Variants in ZNF81 observed in about 807,000 individuals in gnomAD.
ZNF81 encodes the protein zinc finger protein 81 (HFZ20).
Under a neutral mutation model 32.3 loss-of-function variants are expected in ZNF81, and 5 were observed. The observed-to-expected ratio is 0.15, with a 90% confidence interval of 0.08 to 0.33. The LOEUF (loss-of-function observed/expected upper bound fraction) is 0.33, where lower values mean the gene tolerates loss of function less well. ZNF81 is among the 10% of genes least tolerant of loss of function. The probability of loss-of-function intolerance (pLI) is 1.00; values close to 1 mark genes in which losing one functional copy is unlikely to be tolerated. For synonymous variants in ZNF81, 163 were observed against 166.8 expected (o/e 0.98, Z 0.17); for missense variants, 379 against 479.8 (o/e 0.79, Z 1.96).
Position 47,919,366 on chromosome X carries a change from G to T in ZNF81, c.*2734G>T. On this transcript the variant is annotated 3_prime_UTR_variant, in exon 5 of 5. Coordinates refer to ENST00000338637, the MANE Select transcript of ZNF81 (RefSeq NM_007137.5). Reference sequence around the variant, plus strand: ...AAGTCTACTGCTGAACCCATTGAAGGCATTCTTCAACTCAGTTATGTTTTA... The same window carrying T: ...AAGTCTACTGCTGAACCCATTGAAGTCATTCTTCAACTCAGTTATGTTTTA... 4 of 187,651 alleles carry T rather than the reference G, an allele frequency of 2.1e-5. No individual in the cohort carries two copies. Among genetic ancestry groups the T allele is most frequent in the African/African-American group, 3.0e-5 (1 of 33,225 alleles). 15.5% of individuals were successfully genotyped at this position (187,651 alleles called of 1,213,427 possible).
In ZNF81 at chrX:47,863,805, A is replaced by G. The variant is rs1357266803; in HGVS notation, c.54+17484A>G. 2.7e-5 allele frequency among the ~76,000 whole-genome samples: 3 copies of G among 112,111 alleles called. No homozygotes were observed. In the Admixed American group the frequency reaches 2.8e-4, roughly 11 times the overall value. ...TGCTATGTTGTAGGGCAGAGGTAGT[A>G]TCATATCATTTATTACTTCTGCAAG... On this transcript the variant is annotated intron_variant, in intron 2 of 4. Transcript: ENST00000338637.
chrX:47,854,806 T>A (rs1435764330), intron 2 of ZNF81, among the ~76,000 whole-genome samples: 6 of 111,628 alleles, frequency 5.4e-5, no homozygotes, highest in African/African-American at 2.0e-4. Context: ...ATAACAGATA[T>A]AATAATAGGC....
intron 1 of ZNF81, among the ~76,000 whole-genome samples, chrX:47,845,637 G>A (rs1260006018): frequency 9.0e-6 from 1 of 111,674 alleles, no homozygotes; most frequent in African/African-American, 3.3e-5. Context: ...CTCTAATTCT[G>A]TGTGCATAAA....
At chrX:47,884,135 G>A (rs1232366623) in intron 2 of ZNF81, among the ~76,000 whole-genome samples, 2 of 106,862 alleles carry the variant, frequency 1.9e-5, no homozygotes, top group African/African-American at 3.4e-5. Flanking sequence ...AATCCCAGCT[G>A]CTCGGGAGGC....
In ZNF81 at chrX:47,867,927, C is replaced by T. The variant is rs1158195967; in HGVS notation, c.55-20072C>T. ...GTTCCTGTCAATCAATAAGTAACACCACATTTATAAAACGTAGCCCTGTAG... is the reference window on the plus strand; with the variant it reads ...GTTCCTGTCAATCAATAAGTAACACTACATTTATAAAACGTAGCCCTGTAG... On this transcript the variant is annotated intron_variant, in intron 2 of 4. Transcript: ENST00000338637. 4.5e-5 allele frequency among the ~76,000 whole-genome samples: 5 copies of T among 111,448 alleles called. No homozygotes were observed. The Admixed American group carries it at 4.8e-4, about 11-fold the overall frequency.
Position 47,916,424 on chromosome X carries a change from A to G in ZNF81, c.1778A>G (p.Lys593Arg). The G allele has an allele frequency of 8.3e-7, 1 of 1,211,906 alleles. No homozygotes were observed. Among genetic ancestry groups the G allele is most frequent in the Non-Finnish European group, 1.1e-6 (1 of 895,531 alleles). Residue 593 changes from lysine (K) to arginine (R), a missense_variant, in exon 5 of 5, where the codon AAG (lysine) becomes AGG (arginine). By Grantham distance (26) the Lys-to-Arg change is conservative. Coordinates refer to ENST00000338637, the MANE Select transcript of ZNF81 (RefSeq NM_007137.5). ...KCPDCEKSFS[K>R]KPHLKVHQRI... ...CCTGACTGTGAGAAATCCTTCTCCA[A>G]GAAACCACATCTCAAAGTACATCAA...
chrX:47,871,586 T>A (rs781978862), intron 2 of ZNF81, among the ~76,000 whole-genome samples: 13 of 111,942 alleles, frequency 1.2e-4, no homozygotes, highest in Non-Finnish European at 2.1e-4. Context: ...CTCATGATCA[T>A]CTATTTGACC....
chrX:47,911,582 G>A (rs2058739461), intron 4 of ZNF81, among the ~76,000 whole-genome samples: 1 of 111,643 alleles, frequency 9.0e-6, no homozygotes, highest in Admixed American at 9.5e-5. Flanking sequence ...GATAAGAATA[G>A]AATTTTGCTG....
chrX:47,872,780 G>T (rs1462359612), intron 2 of ZNF81, among the ~76,000 whole-genome samples: 1 of 111,448 alleles, frequency 9.0e-6, no homozygotes, highest in Non-Finnish European at 1.9e-5. Context: ...ATTATTCCTG[G>T]TTTTTCTAAT....
At chrX:47,873,313 T>C (rs1603187919) in intron 2 of ZNF81, among the ~76,000 whole-genome samples, 1 of 112,077 alleles carries the variant, frequency 8.9e-6, no homozygotes, top group Non-Finnish European at 1.9e-5. Context: ...GTAGAATAAG[T>C]AGCACCAGTA....
At position 47,915,760 on chromosome X, in the gene ZNF81, T is replaced by A; in HGVS notation, c.1114T>A (p.Ser372Thr). The change falls in exon 5 of 5, where the codon TCT becomes ACT. Residue 372 changes from serine to threonine, a missense_variant. Ser to Thr is a moderately conservative substitution (Grantham distance 58). Coordinates refer to ENST00000338637, the MANE Select transcript of ZNF81 (RefSeq NM_007137.5). The stretch of plus-strand genomic sequence containing the variant: ...TGGGAAATCATTTTTCCAGGTGTCA[T>A]CTCTACTCAGGCATCAGACAACTCA... ...ECGKSFFQVS[S>T]LLRHQTTHTG... 1 of 1,211,040 alleles carries A rather than the reference T, an allele frequency of 8.3e-7. No individual in the cohort carries two copies. Among genetic ancestry groups the A allele is most frequent in the Non-Finnish European group, 1.1e-6 (1 of 895,270 alleles).
chrX:47,879,756 A>T (rs1430695008), intron 2 of ZNF81, among the ~76,000 whole-genome samples: 3 of 111,969 alleles, frequency 2.7e-5, no homozygotes, highest in Non-Finnish European at 5.6e-5. Flanking sequence ...GATAAGTTGG[A>T]AAAAAGGCAG....
chrX:47,872,535 A>G (rs2058584347), intron 2 of ZNF81, among the ~76,000 whole-genome samples: 1 of 111,813 alleles, frequency 8.9e-6, no homozygotes, highest in Admixed American at 9.5e-5. Flanking sequence ...CTCATTAGCT[A>G]GAGGAACAGA....
chrX:47,888,221 C>A, intron 3 of ZNF81, 96 bp downstream of exon 3: 2 of 1,081,237 alleles, frequency 1.8e-6, no homozygotes, highest in Middle Eastern at 3.3e-4. Flanking sequence ...CCCCAGCCCC[C>A]CAGAATGTGA....
chrX:47,909,013 G>T (rs2058729973), intron 4 of ZNF81, among the ~76,000 whole-genome samples: 1 of 111,674 alleles, frequency 9.0e-6, no homozygotes, highest in Non-Finnish European at 1.9e-5. Flanking sequence ...ATGAGTATTG[G>T]AGTTCAGCTT....
At chrX:47,892,170 A>G (rs904291634) in intron 3 of ZNF81, among the ~76,000 whole-genome samples, 1 of 111,928 alleles carries the variant, frequency 8.9e-6, no homozygotes, top group Non-Finnish European at 1.9e-5. Flanking sequence ...TCTGTGAATC[A>G]GACTATTCTG....
intron 2 of ZNF81, among the ~76,000 whole-genome samples, chrX:47,853,170 G>T (rs1305271989): frequency 9.2e-6 from 1 of 109,174 alleles, no homozygotes; most frequent in Non-Finnish European, 1.9e-5. Flanking sequence ...AGGCTTTGTT[G>T]TTCCATAATT....
At position 47,916,734 on chromosome X, in the gene ZNF81, C is replaced by T. The variant is rs2058758553; in HGVS notation, c.*102C>T. 2 of 896,769 alleles carry T rather than the reference C, an allele frequency of 2.2e-6. No individual in the cohort carries two copies. The highest frequency in any genetic ancestry group is 3.0e-6 in the Non-Finnish European group (2 of 668,068). The allele number at this position is 896,769 out of a possible 1,213,427, so 73.9% of individuals were successfully genotyped here. A position where few individuals can be genotyped will look rare whatever the true frequency, so the allele number is the denominator to read the frequency against. ...ATCCAAGACAGATCCTATATGAATACATTGTATAAGGAAAAGCATCAGGCT... is the reference window on the plus strand; with the variant it reads ...ATCCAAGACAGATCCTATATGAATATATTGTATAAGGAAAAGCATCAGGCT... On this transcript the variant is annotated 3_prime_UTR_variant, in exon 5 of 5. Coordinates refer to ENST00000338637, the MANE Select transcript of ZNF81 (RefSeq NM_007137.5).
intron 4 of ZNF81, among the ~76,000 whole-genome samples, chrX:47,908,589 C>T (rs1488819660): frequency 1.8e-5 from 2 of 111,972 alleles, no homozygotes; most frequent in Non-Finnish European, 3.8e-5. Context: ...TACAAGAATG[C>T]TCATACCAGC....
Sources: gnomAD v4.1 joint callset for allele counts (sites outside exome capture counted in the v4.1 genomes callset) on GRCh38, gnomAD v4.1.1 for gene constraint, MANE v1.5 for transcripts, NCBI Gene and HGNC (gene_info 2026-07-23, HGNC 2026-07-21) for gene names.